ZFHX3: variants seen among roughly 807,000 people sequenced by gnomAD.
The protein encoded by ZFHX3 is zinc finger homeobox protein 3.
In ZFHX3, 42 loss-of-function variants were observed where a neutral mutation model predicts 279.1. The observed-to-expected ratio is 0.15, with a 90% CI of 0.12 to 0.19. The LOEUF (loss-of-function observed/expected upper bound fraction) is 0.19, where lower values mean the gene tolerates loss of function less well. Among genes scored for constraint, ZFHX3 ranks in the 10% least tolerant of loss-of-function variants. The pLI is 1.00. For synonymous variants in ZFHX3, 2,293 were observed against 1,957.8 expected, an observed-to-expected ratio of 1.17 and a Z score of -4.52; for missense variants, 4,981 against 4,754.0, an observed-to-expected ratio of 1.05 and a Z score of -1.40.
At chr16:72,979,250 C>G (rs1321685314) in intron 1 of ZFHX3, among the ~76,000 whole-genome samples, 1 of 152,226 alleles carries the variant, frequency 6.6e-6, no homozygotes, top group Non-Finnish European at 1.5e-5. Context: ...AGGTGGGCTT[C>G]TCTTCGGAAT....
At chr16:73,424,581 C>CA (rs747070653) in intron 3 of ZFHX3, among the ~76,000 whole-genome samples, 11 of 151,568 alleles carry the variant, frequency 7.3e-5, no homozygotes, top group Admixed American at 1.3e-4. Context: ...CCTGTCTCTA[C>CA]AAAAAATGAA....
chr16:73,702,575 C>G (rs2053259548), intron 1 of ZFHX3, among the ~76,000 whole-genome samples: 1 of 152,142 alleles, frequency 6.6e-6, no homozygotes, highest in African/African-American at 2.4e-5. Flanking sequence ...ATCACCTGTG[C>G]AGTTATCGGC....
At chr16:73,572,963 G>T (rs750055769) in intron 2 of ZFHX3, among the ~76,000 whole-genome samples, 3 of 152,014 alleles carry the variant, frequency 2.0e-5, no homozygotes, top group Non-Finnish European at 4.4e-5. Flanking sequence ...TACAAAACTA[G>T]CCACAAGACC....
At chr16:73,589,259 CAAAAAAAAAA>C (rs34481194) in intron 2 of ZFHX3, among the ~76,000 whole-genome samples, 56 of 30,952 alleles carry the variant, frequency 1.8e-3, no homozygotes, top group African/African-American at 4.4e-3. Flanking sequence ...GATTCTGTCT[CAAAAAAAAAA>C]AAAAAAAAAA....
At chr16:73,129,879 C>G (rs1181063571) in intron 7 of ZFHX3, among the ~76,000 whole-genome samples, 1 of 151,970 alleles carries the variant, frequency 6.6e-6, no homozygotes, top group African/African-American at 2.4e-5. Flanking sequence ...TTTAGGTAGT[C>G]GACTTAATAT....
intron 2 of ZFHX3, among the ~76,000 whole-genome samples, chr16:73,615,305 G>A (rs1326222708): frequency 6.6e-6 from 1 of 152,124 alleles, no homozygotes; most frequent in African/African-American, 2.4e-5. Context: ...TGACGGATGT[G>A]ACAGGGCTTG....
intron 2 of ZFHX3, among the ~76,000 whole-genome samples, chr16:73,636,352 T>C (rs938889904): frequency 3.3e-5 from 5 of 152,162 alleles, no homozygotes; most frequent in African/African-American, 1.2e-4. Context: ...AAAACAAGGA[T>C]GCTTAATTTT....
intron 2 of ZFHX3, among the ~76,000 whole-genome samples, chr16:73,487,086 T>C (rs2018988941): frequency 6.6e-6 from 1 of 152,166 alleles, no homozygotes; most frequent in South Asian, 2.1e-4. Flanking sequence ...AGAAGAATAG[T>C]GTTCCTTATG....
chr16:73,322,693 A>G (rs1243369748), intron 3 of ZFHX3, among the ~76,000 whole-genome samples: 5 of 152,214 alleles, frequency 3.3e-5, no homozygotes, highest in Admixed American at 1.3e-4. Context: ...GCATCCAAAG[A>G]CATAGACCAT....
At chr16:73,543,975 G>T (rs1489801346) in intron 2 of ZFHX3, 1 of 152,072 alleles carries the variant, frequency 6.6e-6, no homozygotes, top group African/African-American at 2.4e-5. Context: ...GAGGGAGATA[G>T]AGCGAAAAAG....
intron 1 of ZFHX3, among the ~76,000 whole-genome samples, chr16:73,855,011 A>G (rs1961687421): frequency 6.6e-6 from 1 of 152,116 alleles, no homozygotes; most frequent in Non-Finnish European, 1.5e-5. Flanking sequence ...AGTTTCTACA[A>G]TCCCCAAGCC....
chr16:73,385,096 T>A (rs1256189186), intron 3 of ZFHX3, among the ~76,000 whole-genome samples: 1 of 152,088 alleles, frequency 6.6e-6, no homozygotes, highest in Non-Finnish European at 1.5e-5. Context: ...AGAACAAGCA[T>A]GGAGGGGACA....
intron 4 of ZFHX3, among the ~76,000 whole-genome samples, chr16:73,266,878 T>C (rs1482699978): frequency 1.3e-5 from 2 of 152,204 alleles, no homozygotes; most frequent in African/African-American, 4.8e-5. Context: ...GAACTGTGAG[T>C]CCATTAAACT....
At chr16:73,687,223 TAAAAA>T (rs958496272) in intron 1 of ZFHX3, among the ~76,000 whole-genome samples, 1 of 140,998 alleles carries the variant, frequency 7.1e-6, no homozygotes, top group African/African-American at 2.6e-5. Flanking sequence ...ACCCCATCTC[TAAAAA>T]AAAAAGTACA....
At position 73,442,506 on chromosome 16, in the gene ZFHX3, T is replaced by C. The variant is rs532627007; in HGVS notation, c.-1291+13497A>G. ...AAAAATGTGAACAATATCTTTAGTA[T>C]CTTTTGTGTGCGTAGTTAACCATGT... is the stretch of plus-strand genomic sequence containing the variant. On this transcript the variant is annotated intron_variant, in intron 3 of 17. Coordinates refer to the ZFHX3 transcript ENST00000641206. 2.6e-4 allele frequency among the ~76,000 whole-genome samples: 39 copies of C among 152,136 alleles called. 1 individual carries two copies. Among genetic ancestry groups the C allele is most frequent in the African/African-American group, 7.2e-4 (30 of 41,424 alleles).
chr16:73,469,109 G>A (rs568293812), intron 2 of ZFHX3, among the ~76,000 whole-genome samples: 1 of 152,330 alleles, frequency 6.6e-6, no homozygotes, highest in South Asian at 2.1e-4. Flanking sequence ...AGGATGCAGA[G>A]TGGGGCTCCC....
At chr16:73,284,856 T>C (rs2143074512) in intron 4 of ZFHX3, among the ~76,000 whole-genome samples, 1 of 152,260 alleles carries the variant, frequency 6.6e-6, no homozygotes, top group Middle Eastern at 3.4e-3. Context: ...TTTTGTTTTG[T>C]TTTTAAGACA....
At chr16:73,801,174 ATTTG>A (rs1597121664) in intron 1 of ZFHX3, among the ~76,000 whole-genome samples, 3 of 152,138 alleles carry the variant, frequency 2.0e-5, no homozygotes, top group South Asian at 4.1e-4. Flanking sequence ...TTAAAAAGGG[ATTTG>A]TTTATTTTCA....
intron 4 of ZFHX3, among the ~76,000 whole-genome samples, chr16:73,263,115 G>C (rs1432802307): frequency 6.6e-6 from 1 of 152,140 alleles, no homozygotes; most frequent in East Asian, 1.9e-4. Context: ...TTGTTACACA[G>C]CGAAAGCTAA....
Sources: gnomAD v4.1 joint callset for allele counts (sites outside exome capture counted in the v4.1 genomes callset) on GRCh38, gnomAD v4.1.1 for gene constraint, MANE v1.5 for transcripts, NCBI Gene and HGNC (gene_info 2026-07-23, HGNC 2026-07-21) for gene names.